Variants in KMT2C observed in about 807,000 individuals in gnomAD.
The protein encoded by KMT2C is lysine methyltransferase 2C, also known as histone-lysine N-methyltransferase 2C.
In KMT2C, 88 loss-of-function variants were observed where a neutral mutation model predicts 507.9. The ratio of observed to expected loss-of-function variants is 0.17; its 90% CI spans 0.15 to 0.21. KMT2C has a LOEUF of 0.21. Among genes scored for constraint, KMT2C ranks in the 10% least tolerant of loss-of-function variants. The probability of loss-of-function intolerance (pLI) is 1.00; values close to 1 mark genes in which losing one functional copy is unlikely to be tolerated. For missense variants in KMT2C, 4,954 were observed against 5,957.8 expected (o/e 0.83, Z 5.55); for synonymous variants, 2,049 against 2,080.8 (o/e 0.98, Z 0.42).
intron 3 of KMT2C, among the ~76,000 whole-genome samples, chr7:152,321,430 G>A (rs2096772358): frequency 6.6e-6 from 1 of 151,624 alleles, no homozygotes; most frequent in Non-Finnish European, 1.5e-5. Flanking sequence ...AGAGCAATAT[G>A]GTCAAGAGAA....
At chr7:152,263,670 G>GT (rs1588697587) in intron 8 of KMT2C, among the ~76,000 whole-genome samples, 2 of 152,106 alleles carry the variant, frequency 1.3e-5, no homozygotes, top group East Asian at 3.9e-4. Context: ...GGTAATGCGG[G>GT]TTCAAGTGCT....
chr7:152,254,143 C>G (rs952933882), intron 9 of KMT2C, among the ~76,000 whole-genome samples: 1 of 151,874 alleles, frequency 6.6e-6, no homozygotes, highest in Admixed American at 6.6e-5. Context: ...TAGCTGGGCA[C>G]GGTGGCACAG....
Position 152,194,234 on chromosome 7 carries a change from AT to A in KMT2C, c.4534del (p.Ile1512PhefsTer51). 1 of 1,528,844 alleles carries A rather than the reference AT, an allele frequency of 6.5e-7. No homozygotes were observed. The highest frequency in any genetic ancestry group is 2.1e-5 in the Admixed American group (1 of 48,696). The allele number at this position is 1,528,844 out of a possible 1,614,324, so 94.7% of individuals were successfully genotyped here. ...GAAAATCAAAACACATTTACCTGGA[AT>A]TTTATATAATTTTCCAAGAATTGCT... ...DGAILGKLYK[I>X]PELGGKDVED... On this transcript the variant is annotated frameshift_variant, in exon 30 of 59. Transcript: ENST00000262189. LOFTEE classifies it high-confidence loss of function.
intron 1 of KMT2C, among the ~76,000 whole-genome samples, chr7:152,390,168 A>C (rs1423953489): frequency 6.6e-6 from 1 of 152,218 alleles, no homozygotes; most frequent in African/African-American, 2.4e-5. Flanking sequence ...TACATAATCT[A>C]GCCATGTAAC....
intron 33 of KMT2C, among the ~76,000 whole-genome samples, 194 bp from the exon 34 acceptor site, chr7:152,185,825 G>A (rs979068281): frequency 7.2e-5 from 11 of 152,208 alleles, no homozygotes; most frequent in Non-Finnish European, 1.3e-4. Flanking sequence ...TTTTCTAAAT[G>A]AAGTGCTGCC....
chr7:152,286,466 A>G (rs4095778), intron 6 of KMT2C, among the ~76,000 whole-genome samples: 4,270 of 81,874 alleles, frequency 0.052, no homozygotes, highest in Non-Finnish European at 0.081. Flanking sequence ...TACTACTGAC[A>G]CCACACCTGA....
chr7:152,276,091 A>G (rs1054115265), intron 6 of KMT2C, among the ~76,000 whole-genome samples: 1 of 152,234 alleles, frequency 6.6e-6, no homozygotes, highest in African/African-American at 2.4e-5. Flanking sequence ...TAACATACTA[A>G]TTTACAATAT....
chr7:152,298,820 A>G (rs1307963261), intron 6 of KMT2C, among the ~76,000 whole-genome samples: 1 of 152,234 alleles, frequency 6.6e-6, no homozygotes, highest in Admixed American at 6.5e-5. Flanking sequence ...TATAACATAT[A>G]TAAAAGTCAA....
chr7:152,322,814 A>G (rs1468211404), intron 3 of KMT2C, among the ~76,000 whole-genome samples: 1 of 152,056 alleles, frequency 6.6e-6, no homozygotes, highest in Admixed American at 6.6e-5. Flanking sequence ...TGGAACCCAA[A>G]TAAACAGCAA....
Position 152,179,811 on chromosome 7 carries a change from C to T in KMT2C, c.7442+23G>A, listed in dbSNP as rs371006442. 643 of 1,605,608 alleles carry T rather than the reference C, an allele frequency of 4.0e-4. 5 individuals carry two copies. The South Asian group carries it at 5.9e-3, about 15-fold the overall frequency. ...CCCTCTTCTAATAGCAATTTAAATT[C>T]GGCAGGAAATTAAAAGCATTACCTA... On this transcript the variant is annotated intron_variant, in intron 37 of 58. Coordinates refer to ENST00000262189, the MANE Select transcript of KMT2C (RefSeq NM_170606.3).
intron 1 of KMT2C, among the ~76,000 whole-genome samples, chr7:152,371,188 T>C (rs1051793930): frequency 6.6e-6 from 1 of 152,226 alleles, no homozygotes; most frequent in Non-Finnish European, 1.5e-5. Context: ...ATATTAACTA[T>C]ACATACAACA....
chr7:152,356,816 G>A (rs570055918), intron 2 of KMT2C, among the ~76,000 whole-genome samples: 5 of 150,928 alleles, frequency 3.3e-5, no homozygotes, highest in South Asian at 2.1e-4. Flanking sequence ...ACTGGAACCC[G>A]GGAGACAGAG....
chr7:152,384,287 C>T (rs1395976457), intron 1 of KMT2C, among the ~76,000 whole-genome samples: 6 of 152,180 alleles, frequency 3.9e-5, no homozygotes, highest in African/African-American at 1.4e-4. Context: ...TGACTTAAAA[C>T]CCATACTACC....
At chr7:152,192,513 C>A (rs996651254) in intron 31 of KMT2C, among the ~76,000 whole-genome samples, 1 of 151,630 alleles carries the variant, frequency 6.6e-6, no homozygotes, top group African/African-American at 2.4e-5. Context: ...TGCACTCCAG[C>A]CTGGGCGAAG....
chr7:152,304,899 T>C (rs1168529044), intron 6 of KMT2C, among the ~76,000 whole-genome samples: 2 of 152,158 alleles, frequency 1.3e-5, no homozygotes, highest in Non-Finnish European at 2.9e-5. Flanking sequence ...TCAATAGCTA[T>C]ATCGCCCCTA....
In KMT2C at chr7:152,297,044, AG is replaced by A. The variant is rs1358576114; in HGVS notation, c.849+12921del. 6.0e-5 allele frequency among the ~76,000 whole-genome samples: 6 copies of A among 100,646 alleles called. No individual in the cohort carries two copies. In the East Asian group the frequency reaches 1.7e-3, roughly 29 times the overall value. The allele number at this position is 100,646 out of a possible 152,430, so 66.0% of individuals were successfully genotyped here. On this transcript the variant is annotated intron_variant, in intron 6 of 58. Transcript: ENST00000262189. ...AAGAAAGAAAGAAAGAAAGAAAGAA[AG>A]AAAGAAAGACAGAGAGAGAGAGAGA...
At chr7:152,434,944 G>A (rs1171018298) in intron 1 of KMT2C, among the ~76,000 whole-genome samples, 1 of 152,136 alleles carries the variant, frequency 6.6e-6, no homozygotes, top group African/African-American at 2.4e-5. Context: ...ACTTAGGCAG[G>A]CCGTTCCCCG....
chr7:152,392,139 T>C (rs2097503886), intron 1 of KMT2C, among the ~76,000 whole-genome samples: 1 of 152,182 alleles, frequency 6.6e-6, no homozygotes, highest in Non-Finnish European at 1.5e-5. Flanking sequence ...TTCCCTCTCT[T>C]GGCAATGCCT....
chr7:152,330,862 T>A, intron 2 of KMT2C, 123 bp from the exon 3 acceptor site: 1 of 909,790 alleles, frequency 1.1e-6, no homozygotes, highest in Non-Finnish European at 1.7e-6. Context: ...AATATTTCAC[T>A]AACACAAGAA....
Sources: allele counts gnomAD v4.1 joint callset (sites outside exome capture counted in the v4.1 genomes callset), GRCh38; gene constraint gnomAD v4.1.1; transcripts MANE v1.5; gene names NCBI Gene and HGNC (gene_info 2026-07-23, HGNC 2026-07-21).